TBRG1: variants seen among roughly 807,000 people sequenced by gnomAD.
The protein encoded by TBRG1 is nuclear interactor of ARF and MDM2.
Under a neutral mutation model 44.0 loss-of-function variants are expected in TBRG1, and 31 were observed. The ratio of observed to expected loss-of-function variants is 0.70; its 90% confidence interval spans 0.53 to 0.95. The LOEUF is 0.95. Ranked by LOEUF, TBRG1 falls within the 40% of genes least tolerant of loss-of-function variation. The pLI is 0.00. For missense variants in TBRG1, 487 were observed against 496.1 expected (o/e 0.98, Z 0.18); for synonymous variants, 171 against 188.1 (o/e 0.91, Z 0.74).
In TBRG1 at chr11:124,635,430, T is replaced by C. The variant is rs1428986146; in HGVS notation, c.*3192T>C. On this transcript the variant is annotated 3_prime_UTR_variant, in exon 9 of 9. Transcript: ENST00000441174. ...CTGTTTGGAGCTACACCAGAACCCC[T>C]TGGAACTCTACAGAGGGGTAGAACT... 1 of 152,192 alleles carries C rather than the reference T, an allele frequency of 6.6e-6. No individual in the cohort carries two copies. The highest frequency in any genetic ancestry group is 2.4e-5 in the African/African-American group (1 of 41,440). 9.4% of individuals were successfully genotyped at this position (152,192 alleles called of 1,614,324 possible).
At chr11:124,625,521 T>A (rs1368620351) in intron 2 of TBRG1, 150 bp from the exon 3 acceptor site, 10 of 685,858 alleles carry the variant, frequency 1.5e-5, no homozygotes, top group Middle Eastern at 3.9e-4. Context: ...CCTCCAGGGC[T>A]TTATGATTCA....
chr11:124,623,404 GTCC>G, intron 1 of TBRG1, 171 bp downstream of exon 1: 1 of 758,024 alleles, frequency 1.3e-6, no homozygotes, highest in Non-Finnish European at 2.3e-6. Flanking sequence ...ATTTCTCTGT[GTCC>G]TCATCTGTAA....
Position 124,634,956 on chromosome 11 carries a change from T to C in TBRG1, c.*2718T>C, listed in dbSNP as rs1942691681. On this transcript the variant is annotated 3_prime_UTR_variant, in exon 9 of 9. Transcript: ENST00000441174. ...ATTTCATTTTAAAACTAAAAAGTTC[T>C]TACATTTGGGGAAATGCAGTGAATT... The C allele has an allele frequency of 6.6e-6, 1 of 152,250 alleles. No homozygotes were observed. Among genetic ancestry groups the C allele is most frequent in the African/African-American group, 2.4e-5 (1 of 41,468 alleles). The allele number at this position is 152,250 out of a possible 1,614,324, so 9.4% of individuals were successfully genotyped here.
rs1942640419 is a variant in TBRG1, at chr11:124,632,672, C to G, written c.*434C>G. 1 of 161,002 alleles carries G rather than the reference C, an allele frequency of 6.2e-6. No homozygotes were observed. Among genetic ancestry groups the G allele is most frequent in the Admixed American group, 6.2e-5 (1 of 16,034 alleles). The allele number at this position is 161,002 out of a possible 1,614,324, so 10.0% of individuals were successfully genotyped here. A position where few individuals can be genotyped will look rare whatever the true frequency, so the allele number is the denominator to read the frequency against. The stretch of plus-strand genomic sequence containing the variant: ...TCAATGTCTGGTGAGGGCCCACTTC[C>G]TAGTTCTTAGACAGCTGTCTTCCTG... On this transcript the variant is annotated 3_prime_UTR_variant, in exon 9 of 9. Transcript: ENST00000441174.
chr11:124,626,200 G>C (rs925514670), intron 3 of TBRG1, among the ~76,000 whole-genome samples: 13 of 152,194 alleles, frequency 8.5e-5, no homozygotes, highest in African/African-American at 1.2e-4. Context: ...AAATGGGCTA[G>C]GTGGCCTTTG....
At chr11:124,623,298 C>G in intron 1 of TBRG1, 65 bp downstream of exon 1, 1 of 1,515,836 alleles carries the variant, frequency 6.6e-7, no homozygotes, top group South Asian at 1.2e-5. Flanking sequence ...TTTCCCCAAG[C>G]TGTTCCCCCT....
chr11:124,624,780 T>C (rs686567), intron 1 of TBRG1, 151 bp from the exon 2 acceptor site: 346,767 of 620,116 alleles, frequency 0.56, 99,081 homozygotes, highest in South Asian at 0.63. Flanking sequence ...CCTTTATCTA[T>C]GGATTTATTT....
At position 124,635,043 on chromosome 11, in the gene TBRG1, A is replaced by G. The variant is rs1248944611; in HGVS notation, c.*2805A>G. 6.6e-6 allele frequency: 1 copy of G among 152,218 alleles called. No individual in the cohort carries two copies. The highest frequency in any genetic ancestry group is 1.5e-5 in the Non-Finnish European group (1 of 68,038). 9.4% of individuals were successfully genotyped at this position (152,218 alleles called of 1,614,324 possible). ...TGAATGTGCATGGCGTCATTAACATAATCATTGCCTGAACCGTATTTTTCA... is the reference window on the plus strand; with the variant it reads ...TGAATGTGCATGGCGTCATTAACATGATCATTGCCTGAACCGTATTTTTCA... On this transcript the variant is annotated 3_prime_UTR_variant, in exon 9 of 9. Coordinates refer to ENST00000441174, the MANE Select transcript of TBRG1 (RefSeq NM_032811.3).
chr11:124,626,341 C>G (rs1942468283), intron 3 of TBRG1, 132 bp from the exon 4 acceptor site: 1 of 836,902 alleles, frequency 1.2e-6, no homozygotes. Context: ...TGGGCGAAAG[C>G]CCCATATGCC....
chr11:124,631,493 G>A (rs1942608697), intron 8 of TBRG1, 76 bp downstream of exon 8: 1 of 1,434,412 alleles, frequency 7.0e-7, no homozygotes, highest in Non-Finnish European at 9.8e-7. Context: ...ACATAGCCGA[G>A]TACCCTAAAT....
chr11:124,631,917 A>C (rs1942622680), intron 8 of TBRG1, 176 bp from the exon 9 acceptor site: 2 of 594,650 alleles, frequency 3.4e-6, no homozygotes, highest in Non-Finnish European at 6.0e-6. Flanking sequence ...CAAGTCACTT[A>C]ATGTTTCAAC....
chr11:124,627,197 T>G (rs893897726), intron 5 of TBRG1, 147 bp downstream of exon 5: 2 of 630,702 alleles, frequency 3.2e-6, no homozygotes, highest in African/African-American at 1.8e-5. Flanking sequence ...TGGCCCTAAG[T>G]CACACCTCTG....
intron 8 of TBRG1, 119 bp downstream of exon 8, chr11:124,631,536 A>T (rs1341861810): frequency 2.6e-6 from 3 of 1,144,298 alleles, no homozygotes; most frequent in Non-Finnish European, 3.9e-6. Flanking sequence ...GCTTTCATTG[A>T]ATCAGCCTTG....
Position 124,626,555 on chromosome 11 carries a change from A to G in TBRG1, c.537A>G (p.Gly179=). 1.3e-6 allele frequency: 2 copies of G among 1,551,522 alleles called. No individual in the cohort carries two copies. Among genetic ancestry groups the G allele is most frequent in the Non-Finnish European group, 8.7e-7 (1 of 1,146,862 alleles). ...AGCCCATTGCCCTGGATCCCTCAGG[A>G]CGGCCTGTGTTCCCCATCGGACTAG... ...LVQPIALDPS[G]RPVFPIGLGG... The change falls in exon 4 of 9, where the codon GGA becomes GGG. Residue 179 remains glycine, a synonymous_variant. Transcript: ENST00000441174.
chr11:124,626,674 C>T lies in TBRG1; in HGVS notation c.591+65C>T, dbSNP rs750603497. On this transcript the variant is annotated intron_variant, in intron 4 of 8. Transcript: ENST00000441174. ...AAATACGGGAATGGGGTTGAGCCTT[C>T]CCTCCCTGTTCCCATTAGCAGCAGC... 30 of 1,530,078 alleles carry T rather than the reference C, an allele frequency of 2.0e-5. 2 individuals carry two copies. The South Asian group carries it at 3.6e-4, about 18-fold the overall frequency. 94.8% of individuals were successfully genotyped at this position (1,530,078 alleles called of 1,614,324 possible). A position where few individuals can be genotyped will look rare whatever the true frequency, so the allele number is the denominator to read the frequency against.
At chr11:124,625,061 T>C in intron 2 of TBRG1, 60 bp downstream of exon 2, 1 of 1,215,508 alleles carries the variant, frequency 8.2e-7, no homozygotes, top group East Asian at 2.5e-5. Context: ...TGGTGATTGA[T>C]AATGGTGTTA....
At position 124,631,334 on chromosome 11, in the gene TBRG1, T is replaced by C; in HGVS notation, c.1007T>C (p.Leu336Pro). ...GGAGATGGGCAGCTACCTGAGGGGC[T>C]GCCGGAGAATGATGCAGCTATGAGC... ...KPGDGQLPEGLPENDAAMSFE... is the reference protein window; with the variant it reads ...KPGDGQLPEGPPENDAAMSFE... Residue 336 changes from leucine to proline, a missense_variant, in exon 8 of 9, where the codon CTG (leucine) becomes CCG (proline). Leu to Pro is a moderately conservative substitution (Grantham distance 98, BLOSUM62 -3). Transcript: ENST00000441174. The C allele has an allele frequency of 6.2e-7, 1 of 1,613,342 alleles. No individual in the cohort carries two copies. The highest frequency in any genetic ancestry group is 1.1e-5 in the South Asian group (1 of 90,972).
rs71042445 is a variant in TBRG1, at chr11:124,628,065, T to TTA, written c.738+1066_738+1067dup. ...TTCCAACTAACGTCAAGTAGCTGTT[T>TTA]TATATATATATATATATATATATAT... is the stretch of plus-strand genomic sequence containing the variant. On this transcript the variant is annotated intron_variant, in intron 5 of 8. Transcript: ENST00000441174. Among the ~76,000 whole-genome samples, 325 of 69,738 alleles carry TTA rather than the reference T, an allele frequency of 4.7e-3. 2 individuals carry two copies. The highest frequency in any genetic ancestry group is 6.4e-3 in the Non-Finnish European group (218 of 33,840). The allele number at this position is 69,738 out of a possible 152,430, so 45.8% of individuals were successfully genotyped here.
At chr11:124,630,954 G>C in intron 7 of TBRG1, 99 bp downstream of exon 7, 1 of 923,344 alleles carries the variant, frequency 1.1e-6, no homozygotes, top group Non-Finnish European at 1.7e-6. Flanking sequence ...TGTGTCCAAA[G>C]CCTGCCTGCT....
Sources: allele counts gnomAD v4.1 joint callset (sites outside exome capture counted in the v4.1 genomes callset), GRCh38; gene constraint gnomAD v4.1.1; transcripts MANE v1.5; gene names NCBI Gene and HGNC (gene_info 2026-07-23, HGNC 2026-07-21).